The following DRC11 variants were observed in gnomAD, a reference collection of about 807,000 sequenced individuals.
The protein encoded by DRC11 is IQ and AAA domain-containing protein 1.
chr2:236,451,376 T>TATAG, the DRC11 span, among the ~76,000 whole-genome samples: 2,655 of 151,806 alleles, frequency 0.017, 75 homozygotes, highest in African/African-American at 0.06. Context: ...TATATATATA[T>TATAG]AGATATATAT....
At chr2:236,436,295 T>C in the DRC11 span, among the ~76,000 whole-genome samples, 2 of 152,192 alleles carry the variant, frequency 1.3e-5, no homozygotes, top group African/African-American at 4.8e-5. Flanking sequence ...ATGTTTTTCC[T>C]CAGTTATCAT....
At chr2:236,455,865 T>C in the DRC11 span, among the ~76,000 whole-genome samples, 10 of 152,178 alleles carry the variant, frequency 6.6e-5, no homozygotes, top group Non-Finnish European at 1.3e-4. This position sits in a 1 kb window ranked among gnomAD's most constrained non-coding sequence, Gnocchi z 5.7. Flanking sequence ...CCCTGGAGAC[T>C]CAAGCACATT....
the DRC11 span, among the ~76,000 whole-genome samples, chr2:236,452,279 A>T: frequency 6.6e-6 from 1 of 152,244 alleles, no homozygotes; most frequent in South Asian, 2.1e-4. This position sits in a 1 kb window ranked among gnomAD's most constrained non-coding sequence, Gnocchi z 4.7. Flanking sequence ...TTTAGAAAGC[A>T]GAGCTACTAC....
At chr2:236,399,632 T>C in the DRC11 span, 2 of 681,740 alleles carry the variant, frequency 2.9e-6, no homozygotes, top group South Asian at 3.4e-5. The surrounding 1 kb of genome is among the most constrained non-coding windows in gnomAD (Gnocchi z 7.0). Flanking sequence ...CCCGTCTAAG[T>C]ATGGAGTGCT....
At chr2:236,443,750 C>T in the DRC11 span, among the ~76,000 whole-genome samples, 3 of 152,176 alleles carry the variant, frequency 2.0e-5, no homozygotes, top group Non-Finnish European at 2.9e-5. The surrounding 1 kb of genome is among the most constrained non-coding windows in gnomAD (Gnocchi z 4.4). Context: ...AATGGGATTG[C>T]TAGGTCAAAT....
the DRC11 span, among the ~76,000 whole-genome samples, chr2:236,470,565 T>C: frequency 6.6e-6 from 1 of 152,224 alleles, no homozygotes; most frequent in African/African-American, 2.4e-5. The surrounding 1 kb of genome is among the most constrained non-coding windows in gnomAD (Gnocchi z 5.1). Context: ...CCTCAGTCGG[T>C]TCATTTCAAG....
chr2:236,425,803 T>C, the DRC11 span, among the ~76,000 whole-genome samples: 1 of 152,072 alleles, frequency 6.6e-6, no homozygotes, highest in Non-Finnish European at 1.5e-5. Context: ...TTTGAGTTGA[T>C]TTGTGTATAT....
At chr2:236,446,015 C>T in the DRC11 span, among the ~76,000 whole-genome samples, 1 of 152,164 alleles carries the variant, frequency 6.6e-6, no homozygotes, top group African/African-American at 2.4e-5. This position sits in a 1 kb window ranked among gnomAD's most constrained non-coding sequence, Gnocchi z 6.2. Flanking sequence ...GGCCCCTTCC[C>T]TGTGACTTGG....
At chr2:236,465,292 C>A in the DRC11 span, among the ~76,000 whole-genome samples, 2 of 152,298 alleles carry the variant, frequency 1.3e-5, no homozygotes, top group East Asian at 3.9e-4. This position sits in a 1 kb window ranked among gnomAD's most constrained non-coding sequence, Gnocchi z 6.2. Flanking sequence ...CCATTATATT[C>A]CAAGCCATGT....
At chr2:236,494,545 C>G in the DRC11 span, among the ~76,000 whole-genome samples, 1 of 151,960 alleles carries the variant, frequency 6.6e-6, no homozygotes, top group Non-Finnish European at 1.5e-5. This position sits in a 1 kb window ranked among gnomAD's most constrained non-coding sequence, Gnocchi z 4.2. Context: ...ATGGGTATGC[C>G]CTTGGCCAAT....
chr2:236,406,359 T>A, the DRC11 span, among the ~76,000 whole-genome samples: 2 of 152,304 alleles, frequency 1.3e-5, no homozygotes, highest in East Asian at 3.9e-4. This position sits in a 1 kb window ranked among gnomAD's most constrained non-coding sequence, Gnocchi z 4.7. Context: ...TATTGGTAAA[T>A]ATGTGCATCT....
At chr2:236,381,322 G>A in the DRC11 span, among the ~76,000 whole-genome samples, 23 of 151,904 alleles carry the variant, frequency 1.5e-4, no homozygotes, top group African/African-American at 5.6e-4. The surrounding 1 kb of genome is among the most constrained non-coding windows in gnomAD (Gnocchi z 5.8). Flanking sequence ...GCCTAAGAAC[G>A]TTGTTATAGC....
chr2:236,498,283 C>T, the DRC11 span, among the ~76,000 whole-genome samples: 1 of 150,822 alleles, frequency 6.6e-6, no homozygotes, highest in East Asian at 1.9e-4. Flanking sequence ...CTGGCCAACC[C>T]CGTCTCTACT....
the DRC11 span, among the ~76,000 whole-genome samples, chr2:236,455,335 T>C: frequency 6.6e-6 from 1 of 152,214 alleles, no homozygotes; most frequent in Admixed American, 6.5e-5. The surrounding 1 kb of genome is among the most constrained non-coding windows in gnomAD (Gnocchi z 5.7). Context: ...GTCTAAGCCT[T>C]GGGTTCCCAT....
chr2:236,459,628 C>CGTATATACGTATATACGTATATAT, the DRC11 span, among the ~76,000 whole-genome samples: 1 of 130,584 alleles, frequency 7.7e-6, no homozygotes, highest in African/African-American at 3.2e-5. Context: ...TATATACATA[C>CGTATATACGTATATACGTATATAT]GTATATACGT....
At chr2:236,331,986 G>T in the DRC11 span, 2 of 167,000 alleles carry the variant, frequency 1.2e-5, no homozygotes, top group Admixed American at 5.8e-5. The surrounding 1 kb of genome is among the most constrained non-coding windows in gnomAD (Gnocchi z 4.8). Context: ...AAGTAATTTG[G>T]GTAAGTAGTT....
chr2:236,475,632 G>A, the DRC11 span, among the ~76,000 whole-genome samples: 1 of 152,258 alleles, frequency 6.6e-6, no homozygotes, highest in African/African-American at 2.4e-5. This position sits in a 1 kb window ranked among gnomAD's most constrained non-coding sequence, Gnocchi z 4.8. Flanking sequence ...GTTTTCCATA[G>A]TGGCTAATTT....
At chr2:236,468,185 G>A in the DRC11 span, among the ~76,000 whole-genome samples, 16 of 152,186 alleles carry the variant, frequency 1.1e-4, no homozygotes, top group South Asian at 1.9e-3. Context: ...TCTGCCTCCC[G>A]GGCCCAAGTG....
the DRC11 span, chr2:236,338,345 A>G: frequency 1.2e-6 from 2 of 1,613,844 alleles, no homozygotes; most frequent in Non-Finnish European, 1.7e-6. Flanking sequence ...GAGTTTCAGG[A>G]TTTGGGGAAG....
Sources: allele counts gnomAD v4.1 joint callset (sites outside exome capture counted in the v4.1 genomes callset), GRCh38; gene constraint gnomAD v4.1.1; non-coding constraint Gnocchi (gnomAD v3.1); transcripts MANE v1.5; gene names NCBI Gene and HGNC (gene_info 2026-07-23, HGNC 2026-07-21).